TM4SF4: variants seen among roughly 807,000 people sequenced by gnomAD.
The protein encoded by TM4SF4 is transmembrane 4 L six family member 4, also known as transmembrane 4 L6 family member 4.
TM4SF4 carries 24 observed loss-of-function variants against 24.1 expected under a neutral mutation model. The ratio of observed to expected loss-of-function variants is 1.00; its 90% CI spans 0.72 to 1.40. TM4SF4 has a LOEUF of 1.40. Ranked by LOEUF, TM4SF4 falls within the 40% of genes most tolerant of loss-of-function variation. TM4SF4 has a pLI of 0.00. For missense variants in TM4SF4, 254 were observed against 254.2 expected (o/e 1.00, Z 0.01); for synonymous variants, 113 against 97.0 (o/e 1.17, Z -0.97).
At chr3:149,499,067 G>A (rs1734369377) in intron 4 of TM4SF4, among the ~76,000 whole-genome samples, 156 bp downstream of exon 4, 1 of 152,194 alleles carries the variant, frequency 6.6e-6, no homozygotes, top group Admixed American at 6.5e-5. Flanking sequence ...AGCCCAGTCA[G>A]CCCTGTCTGT....
At chr3:149,481,129 G>A (rs1734026671) in intron 2 of TM4SF4, among the ~76,000 whole-genome samples, 2 of 152,140 alleles carry the variant, frequency 1.3e-5, no homozygotes, top group South Asian at 4.1e-4. Context: ...CAAAGTGCTG[G>A]GATTACAGTA....
At chr3:149,476,814 G>GTTTTTTTT (rs67092416) in intron 2 of TM4SF4, among the ~76,000 whole-genome samples, 68 of 81,162 alleles carry the variant, frequency 8.4e-4, no homozygotes, top group Non-Finnish European at 1.1e-3. Context: ...TTTTGTTTTT[G>GTTTTTTTT]TTTTTTTTTT....
chr3:149,494,537 C>A (rs1312766234), intron 3 of TM4SF4: 1 of 151,290 alleles, frequency 6.6e-6, no homozygotes, highest in Non-Finnish European at 1.5e-5. Flanking sequence ...ATAGAAAGGA[C>A]TAAATGGAAA....
intron 3 of TM4SF4, among the ~76,000 whole-genome samples, chr3:149,497,095 G>T (rs1734325071): frequency 6.6e-6 from 1 of 152,150 alleles, no homozygotes; most frequent in Admixed American, 6.5e-5. Flanking sequence ...GGAATGCTTG[G>T]GTTCAAACCC....
intron 3 of TM4SF4, among the ~76,000 whole-genome samples, chr3:149,496,957 C>T (rs1734322671): frequency 6.6e-6 from 1 of 151,536 alleles, no homozygotes; most frequent in South Asian, 2.1e-4. Context: ...GAGGACTGAC[C>T]TCAGGAGTTT....
rs572648945 is a variant in TM4SF4 at position 149,487,335 on chromosome 3, GTTTATC to G, written c.265-279_265-274del. On this transcript the variant is annotated intron_variant, in intron 2 of 4. Transcript: ENST00000305354. ...TTATATATCAGCCCTGGGGAGGAGA[GTTTATC>G]TTTAACAAGGTTAAAAGGCCATGGC... Among the ~76,000 whole-genome samples, 37 of 152,214 alleles carry G rather than the reference GTTTATC, an allele frequency of 2.4e-4. No individual in the cohort carries two copies. The East Asian group carries it at 6.6e-3, about 27-fold the overall frequency.
At chr3:149,486,823 T>C (rs1255565727) in intron 2 of TM4SF4, among the ~76,000 whole-genome samples, 1 of 152,322 alleles carries the variant, frequency 6.6e-6, no homozygotes, top group South Asian at 2.1e-4. Context: ...GACTTGATCT[T>C]TTTGGCCTCG....
At chr3:149,493,038 C>T (rs1734241837) in intron 3 of TM4SF4, among the ~76,000 whole-genome samples, 1 of 152,178 alleles carries the variant, frequency 6.6e-6, no homozygotes, top group Non-Finnish European at 1.5e-5. Flanking sequence ...CAACATCCAC[C>T]TCACAGGTTC....
chr3:149,480,777 A>C (rs988450866), intron 2 of TM4SF4, among the ~76,000 whole-genome samples: 7 of 152,030 alleles, frequency 4.6e-5, no homozygotes, highest in African/African-American at 1.7e-4. Context: ...TAAAGTATGG[A>C]ATTTTATTTC....
Position 149,487,768 on chromosome 3 carries a change from C to A in TM4SF4, c.401+13C>A. The A allele has an allele frequency of 6.2e-7, 1 of 1,612,984 alleles. No homozygotes were observed. The highest frequency in any genetic ancestry group is 8.5e-7 in the Non-Finnish European group (1 of 1,179,112). On this transcript the variant is annotated intron_variant, in intron 3 of 4. Transcript: ENST00000305354. ...CCTTCCACGACGGGTAAGGCCACAC[C>A]CTGCAATGCCCACCTGTCACCACAA...
chr3:149,492,608 G>A (rs1734231492), intron 3 of TM4SF4, among the ~76,000 whole-genome samples: 1 of 152,024 alleles, frequency 6.6e-6, no homozygotes, highest in Non-Finnish European at 1.5e-5. Context: ...CAGTAGTCAG[G>A]GAGGGACGGG....
intron 1 of TM4SF4, among the ~76,000 whole-genome samples, chr3:149,475,320 G>A (rs11710088): frequency 0.35 from 53,037 of 151,942 alleles, 9,880 homozygotes; most frequent in Non-Finnish European, 0.42. Flanking sequence ...AGTGAAGGTC[G>A]CATAGTTTCT....
In TM4SF4 at chr3:149,487,700, A is replaced by G. The variant is rs1240491583; in HGVS notation, c.346A>G (p.Lys116Glu). 6.8e-6 allele frequency: 11 copies of G among 1,613,864 alleles called. No individual in the cohort carries two copies. The highest frequency in any genetic ancestry group is 9.3e-6 in the Non-Finnish European group (11 of 1,179,888). ...TATCATCTCAGCCATTTCAATCAAC[A>G]AGGGTCCTAAATGCCTCATGGCCAA... ...SFIISAISIN[K>E]GPKCLMANST... The change falls in exon 3 of 5, where the codon AAG becomes GAG. Residue 116 changes from lysine to glutamate, a missense_variant. Transcript: ENST00000305354.
intron 2 of TM4SF4, among the ~76,000 whole-genome samples, chr3:149,477,750 A>G (rs1418651802): frequency 6.6e-6 from 1 of 152,234 alleles, no homozygotes; most frequent in East Asian, 1.9e-4. Flanking sequence ...TACGTTTTAT[A>G]TAACAAAGGA....
intron 3 of TM4SF4, among the ~76,000 whole-genome samples, chr3:149,494,320 A>G (rs1439266170): frequency 1.3e-5 from 2 of 152,138 alleles, no homozygotes; most frequent in African/African-American, 2.4e-5. Context: ...ACCAAATTCA[A>G]TCCTTGCTTC....
intron 4 of TM4SF4, among the ~76,000 whole-genome samples, chr3:149,499,317 C>T (rs1734373525): frequency 6.6e-6 from 1 of 152,196 alleles, no homozygotes; most frequent in Non-Finnish European, 1.5e-5. Flanking sequence ...GGCATGTTCT[C>T]ACTTCCTCAG....
chr3:149,496,795 A>G (rs1734319704), intron 3 of TM4SF4, among the ~76,000 whole-genome samples: 1 of 152,028 alleles, frequency 6.6e-6, no homozygotes, highest in Non-Finnish European at 1.5e-5. Flanking sequence ...ACAATCTCAC[A>G]CAACTATACA....
At chr3:149,498,001 A>G (rs902754587) in intron 3 of TM4SF4, among the ~76,000 whole-genome samples, 1 of 152,212 alleles carries the variant, frequency 6.6e-6, no homozygotes, top group Admixed American at 6.5e-5. Flanking sequence ...AATATATTGC[A>G]GTTTCTCCTA....
Position 149,498,899 on chromosome 3 carries a change from T to A in TM4SF4, c.579T>A (p.Cys193Ter). 1 of 1,613,876 alleles carries A rather than the reference T, an allele frequency of 6.2e-7. No individual in the cohort carries two copies. The highest frequency in any genetic ancestry group is 1.1e-5 in the South Asian group (1 of 91,072). The part of the protein sequence containing the change: ...LGTLCGDCQC[C>*]GCCGGDGPV ...CCCTCTGTGGGGACTGCCAGTGTTGTGGCTGCTGTGGGGTAAGTTCAGGCT... is the reference window on the plus strand; with the variant it reads ...CCCTCTGTGGGGACTGCCAGTGTTGAGGCTGCTGTGGGGTAAGTTCAGGCT... Residue 193 changes from cysteine to a stop codon, truncating the protein, a stop_gained, in exon 4 of 5, where the codon TGT becomes TGA. Coordinates refer to ENST00000305354, the MANE Select transcript of TM4SF4 (RefSeq NM_004617.4). LOFTEE classifies it high-confidence loss of function.
Sources: gnomAD v4.1 joint callset for allele counts (sites outside exome capture counted in the v4.1 genomes callset) on GRCh38, gnomAD v4.1.1 for gene constraint, MANE v1.5 for transcripts, NCBI Gene and HGNC (gene_info 2026-07-23, HGNC 2026-07-21) for gene names.